The following RFX2 variants were observed in gnomAD, a reference collection of about 807,000 sequenced individuals.
RFX2 encodes regulatory factor X2.
A neutral mutation model predicts 87.8 loss-of-function variants in RFX2; 20 were observed. The ratio of observed to expected loss-of-function variants is 0.23; its 90% CI spans 0.16 to 0.33. RFX2 has a LOEUF of 0.33. Among genes scored for constraint, RFX2 ranks in the 10% least tolerant of loss-of-function variants. The probability of loss-of-function intolerance (pLI) is 1.00; values close to 1 mark genes in which losing one functional copy is unlikely to be tolerated. For synonymous variants in RFX2, 397 were observed against 431.3 expected, an observed-to-expected ratio of 0.92 and a Z score of 0.98; for missense variants, 767 against 1,012.3, an observed-to-expected ratio of 0.76 and a Z score of 3.29.
rs1242156976 is a variant in RFX2 at position 6,022,103 on chromosome 19, G to C, written c.597+4060C>G. On this transcript the variant is annotated intron_variant, in intron 6 of 17. Transcript: ENST00000303657. This position sits in a 1 kb window ranked among gnomAD's most constrained non-coding sequence, Gnocchi z 6.2. ...TGGAAGATTGGCTGCCCCTGCCTCAGATGGGACCGTGGGCGGGAGGCGCAG... is the reference window on the plus strand; with the variant it reads ...TGGAAGATTGGCTGCCCCTGCCTCACATGGGACCGTGGGCGGGAGGCGCAG... Among the ~76,000 whole-genome samples, 1 of 152,176 alleles carries C rather than the reference G, an allele frequency of 6.6e-6. No individual in the cohort carries two copies. The highest frequency in any genetic ancestry group is 2.4e-5 in the African/African-American group (1 of 41,410).
chr19:6,086,374 T>C (rs1200016035), intron 1 of RFX2, among the ~76,000 whole-genome samples: 1 of 152,200 alleles, frequency 6.6e-6, no homozygotes, highest in Non-Finnish European at 1.5e-5. Context: ...GGCTGTATGG[T>C]ATAACCTATT....
In RFX2 at chr19:6,013,844, C is replaced by T. The variant is rs1401472623; in HGVS notation, c.780-739G>A. On this transcript the variant is annotated intron_variant, in intron 7 of 17. Transcript: ENST00000303657. This position sits in a 1 kb window ranked among gnomAD's most constrained non-coding sequence, Gnocchi z 4.1. ...ACATAATGCCGTTGTCATAGAGAGT[C>T]CTCTCTCACAGGCTAGTATAATAAA... is the stretch of plus-strand genomic sequence containing the variant. Among the ~76,000 whole-genome samples, 1 of 152,160 alleles carries T rather than the reference C, an allele frequency of 6.6e-6. No individual in the cohort carries two copies. Among genetic ancestry groups the T allele is most frequent in the Non-Finnish European group, 1.5e-5 (1 of 68,032 alleles).
At chr19:6,085,510 ATTAACCTC>A (rs1440647308) in intron 1 of RFX2, among the ~76,000 whole-genome samples, 1 of 152,222 alleles carries the variant, frequency 6.6e-6, no homozygotes, top group Non-Finnish European at 1.5e-5. Context: ...TATTTTGAAT[ATTAACCTC>A]TTATTAGAAA....
rs762700027 is a variant in RFX2 at position 6,042,026 on chromosome 19, C to T, written c.260+18G>A. The T allele has an allele frequency of 5.6e-6, 9 of 1,610,254 alleles. No individual in the cohort carries two copies. The Admixed American group carries it at 1.0e-4, about 18-fold the overall frequency. ...CAGGGAGAGGGTTCCGGGTGTGGCCCGCGGGAGAAGCACGCACATGGCTCC... is the reference window on the plus strand; with the variant it reads ...CAGGGAGAGGGTTCCGGGTGTGGCCTGCGGGAGAAGCACGCACATGGCTCC... On this transcript the variant is annotated intron_variant, in intron 4 of 17. Coordinates refer to ENST00000303657, the MANE Select transcript of RFX2 (RefSeq NM_000635.4).
intron 5 of RFX2, among the ~76,000 whole-genome samples, chr19:6,030,262 T>A (rs970520823): frequency 6.6e-6 from 1 of 152,170 alleles, no homozygotes; most frequent in Non-Finnish European, 1.5e-5. Context: ...AGGAGAGAAG[T>A]GGCGTCACAA....
At chr19:6,072,828 C>T (rs977543917) in intron 1 of RFX2, 40 of 1,264,914 alleles carry the variant, frequency 3.2e-5, no homozygotes, top group Non-Finnish European at 4.0e-5. Flanking sequence ...GCATCATGGC[C>T]GCCCTCAGAC....
At chr19:6,104,618 G>C (rs1387786603) in intron 1 of RFX2, among the ~76,000 whole-genome samples, 1 of 151,778 alleles carries the variant, frequency 6.6e-6, no homozygotes, top group Non-Finnish European at 1.5e-5. Context: ...TGTTGCCCAG[G>C]CTGGTCTCAA....
At chr19:6,015,977 T>A in intron 7 of RFX2, 113 bp downstream of exon 7, 1 of 996,916 alleles carries the variant, frequency 1.0e-6, no homozygotes, top group Non-Finnish European at 1.4e-6. Context: ...ACTCCAGAGG[T>A]GGCTGCGAAT....
In RFX2 at chr19:6,040,129, G is replaced by A. The variant is rs773535862; in HGVS notation, c.373C>T (p.Pro125Ser). Reference sequence around the variant, plus strand: ...ACCATGCTGTGGGAGGGGACCGCTGGCGGGGACGAGGCTGCCACGGTCACC... The same window carrying A: ...ACCATGCTGTGGGAGGGGACCGCTGACGGGGACGAGGCTGCCACGGTCACC... ...AQVTVAASSP[P>S]AVPSHSMVGI... Residue 125 changes from proline (P) to serine (S), a missense_variant, in exon 5 of 18, where the codon CCA becomes TCA. Transcript: ENST00000303657. The surrounding 1 kb of genome is among the most constrained non-coding windows in gnomAD (Gnocchi z 6.1). 6.2e-7 allele frequency: 1 copy of A among 1,609,932 alleles called. No individual in the cohort carries two copies. The highest frequency in any genetic ancestry group is 8.5e-7 in the Non-Finnish European group (1 of 1,177,818).
intron 16 of RFX2, among the ~76,000 whole-genome samples, chr19:5,996,226 C>A (rs1025278902): frequency 2.3e-5 from 1 of 43,620 alleles, no homozygotes; most frequent in African/African-American, 1.1e-4. Context: ...AAGGTGTGGA[C>A]CCCGAAGAAC....
intron 1 of RFX2, among the ~76,000 whole-genome samples, chr19:6,097,415 C>T (rs1264195586): frequency 6.6e-6 from 1 of 152,110 alleles, no homozygotes; most frequent in Non-Finnish European, 1.5e-5. Context: ...GGAAAGATTC[C>T]TCAGCTACCT....
At position 6,072,545 on chromosome 19, in the gene RFX2, A is replaced by G. The variant is rs1181826393; in HGVS notation, c.-8-25041T>C. On this transcript the variant is annotated intron_variant, in intron 1 of 17. Coordinates refer to ENST00000303657, the MANE Select transcript of RFX2 (RefSeq NM_000635.4). ...AAGCGAGACCTCGTCTCTAGAGAAAAAAAATTAAAAATTATTCGGGTAAGG... is the reference window on the plus strand; with the variant it reads ...AAGCGAGACCTCGTCTCTAGAGAAAGAAAATTAAAAATTATTCGGGTAAGG... Among the ~76,000 whole-genome samples, 8 of 152,202 alleles carry G rather than the reference A, an allele frequency of 5.3e-5. No homozygotes were observed. The East Asian group carries it at 1.5e-3, about 29-fold the overall frequency.
Position 6,001,817 on chromosome 19 carries a change from G to A in RFX2, c.1857C>T (p.Tyr619=). ...ARQFLLKWSF[Y]SSMVIRDLTL... is the part of the protein sequence containing the mutation. The stretch of plus-strand genomic sequence containing the variant: ...CTCGGAGGTCTGGTGGGACTAACCT[G>A]TAAAAGGACCATTTCAGCAAGAACT... Residue 619 remains tyrosine, a splice_region_variant and synonymous_variant, in exon 15 of 18, where the codon TAC becomes TAT. Coordinates refer to ENST00000303657, the MANE Select transcript of RFX2 (RefSeq NM_000635.4). The surrounding 1 kb of genome is among the most constrained non-coding windows in gnomAD (Gnocchi z 5.6). The A allele has an allele frequency of 6.2e-7, 1 of 1,607,166 alleles. No homozygotes were observed. Among genetic ancestry groups the A allele is most frequent in the Non-Finnish European group, 8.5e-7 (1 of 1,176,110 alleles).
rs981620874 is a variant in RFX2 at position 6,110,157 on chromosome 19, G to T, written c.-9+236C>A. 3.3e-5 allele frequency among the ~76,000 whole-genome samples: 5 copies of T among 152,082 alleles called. No individual in the cohort carries two copies. Among genetic ancestry groups the T allele is most frequent in the African/African-American group, 1.2e-4 (5 of 41,432 alleles). On this transcript the variant is annotated intron_variant, in intron 1 of 17. Transcript: ENST00000303657. The surrounding 1 kb of genome is among the most constrained non-coding windows in gnomAD (Gnocchi z 4.3). ...GAAGTTTTGTAAAAAGTGAGGCGAC[G>T]GCACCGCACCTCCCCCGCGTTCAGT...
chr19:6,102,993 C>T (rs1249582723), intron 1 of RFX2, among the ~76,000 whole-genome samples: 1 of 152,138 alleles, frequency 6.6e-6, no homozygotes, highest in Non-Finnish European at 1.5e-5. Flanking sequence ...ACCCATCCCC[C>T]AGTCTCAGAC....
In RFX2 at chr19:6,002,590, T is replaced by C; in HGVS notation, c.1650+131A>G. On this transcript the variant is annotated intron_variant, in intron 14 of 17. Coordinates refer to ENST00000303657, the MANE Select transcript of RFX2 (RefSeq NM_000635.4). This position sits in a 1 kb window ranked among gnomAD's most constrained non-coding sequence, Gnocchi z 6.7. The stretch of plus-strand genomic sequence containing the variant: ...TGGGTGGGCTTTGGCCTGGGACCCG[T>C]GTCATGCAACAGAACCGTGGCCAGG... 2 of 1,128,818 alleles carry C rather than the reference T, an allele frequency of 1.8e-6. No individual in the cohort carries two copies. 69.9% of individuals were successfully genotyped at this position (1,128,818 alleles called of 1,614,324 possible). A position where few individuals can be genotyped will look rare whatever the true frequency, so the allele number is the denominator to read the frequency against.
rs771907294 is a variant in RFX2 at position 6,063,835 on chromosome 19, T to A, written c.-8-16331A>T. Reference sequence around the variant, plus strand: ...ATGCCAGGAAACCCCCCGACCCCTGTCTGACAGCCACAAATGTCTCCAGAC... The same window carrying A: ...ATGCCAGGAAACCCCCCGACCCCTGACTGACAGCCACAAATGTCTCCAGAC... On this transcript the variant is annotated intron_variant, in intron 1 of 17. Transcript: ENST00000303657. This position sits in a 1 kb window ranked among gnomAD's most constrained non-coding sequence, Gnocchi z 4.0. Among the ~76,000 whole-genome samples the A allele has an allele frequency of 2.0e-5, 3 of 152,160 alleles. No homozygotes were observed. Among genetic ancestry groups the A allele is most frequent in the Non-Finnish European group, 2.9e-5 (2 of 68,022 alleles).
Position 5,994,515 on chromosome 19 carries a change from G to A in RFX2, c.*320C>T, listed in dbSNP as rs976999674. The A allele has an allele frequency of 5.9e-6, 2 of 341,050 alleles. No individual in the cohort carries two copies. The highest frequency in any genetic ancestry group is 4.1e-5 in the African/African-American group (2 of 48,838). 21.1% of individuals were successfully genotyped at this position (341,050 alleles called of 1,614,324 possible). On this transcript the variant is annotated 3_prime_UTR_variant, in exon 18 of 18. Coordinates refer to ENST00000303657, the MANE Select transcript of RFX2 (RefSeq NM_000635.4). Reference sequence around the variant, plus strand: ...GCACAGCCCTTTCAGCTCTTAAAGGGACTGGGGCCAAAGTCCAGGGTTCCA... The same window carrying A: ...GCACAGCCCTTTCAGCTCTTAAAGGAACTGGGGCCAAAGTCCAGGGTTCCA...
rs1383187256 is a variant in RFX2 at position 6,056,548 on chromosome 19, G to T, written c.-8-9044C>A. On this transcript the variant is annotated intron_variant, in intron 1 of 17. Coordinates refer to ENST00000303657, the MANE Select transcript of RFX2 (RefSeq NM_000635.4). This position sits in a 1 kb window ranked among gnomAD's most constrained non-coding sequence, Gnocchi z 4.6. ...GTGGGCAGAGGGCAGGGCCCCGAGG[G>T]CGTGGGTGTACTCAAGGTAAAGTCC... 6.6e-6 allele frequency among the ~76,000 whole-genome samples: 1 copy of T among 152,184 alleles called. No homozygotes were observed. Among genetic ancestry groups the T allele is most frequent in the East Asian group, 1.9e-4 (1 of 5,192 alleles).
Sources: gnomAD v4.1 joint callset for allele counts (sites outside exome capture counted in the v4.1 genomes callset) on GRCh38, gnomAD v4.1.1 for gene constraint, Gnocchi (gnomAD v3.1) non-coding constraint, MANE v1.5 for transcripts, NCBI Gene and HGNC (gene_info 2026-07-23, HGNC 2026-07-21) for gene names.